The following MUC6 variants were observed in gnomAD, a reference collection of about 807,000 sequenced individuals.
MUC6 encodes mucin-6.
In MUC6, 188 loss-of-function variants were observed where a neutral mutation model predicts 201.5. That is an observed-to-expected ratio of 0.93 (90% CI 0.83 to 1.05). MUC6 has a LOEUF of 1.05. Ranked by LOEUF, MUC6 falls within the 50% of genes least tolerant of loss-of-function variation. The probability of loss-of-function intolerance (pLI) is 0.00; values close to 1 mark genes in which losing one functional copy is unlikely to be tolerated. For missense variants in MUC6, 2,706 were observed against 3,256.9 expected (o/e 0.83, Z 4.12); for synonymous variants, 1,228 against 1,389.4 (o/e 0.88, Z 2.58).
Position 1,021,265 on chromosome 11 carries a change from C to T in MUC6, c.3539G>A (p.Cys1180Tyr). ...GTGGTCGAAGTACTCATCCTGGGAGCAGTTGTAGCAGCCTAGGGTGGAGAA... is the reference window on the plus strand; with the variant it reads ...GTGGTCGAAGTACTCATCCTGGGAGTAGTTGTAGCAGCCTAGGGTGGAGAA... ...PGSNIEGCYN[C>Y]SQDEYFDHEE... Residue 1180 changes from cysteine to tyrosine, a missense_variant, in exon 27 of 33, where the codon TGC (cysteine) becomes TAC (tyrosine). Cys to Tyr is a radical substitution (Grantham distance 194). Transcript: ENST00000421673. 1.3e-6 allele frequency: 2 copies of T among 1,583,324 alleles called. No individual in the cohort carries two copies. Among genetic ancestry groups the T allele is most frequent in the Non-Finnish European group, 1.7e-6 (2 of 1,165,672 alleles).
intron 26 of MUC6, among the ~76,000 whole-genome samples, chr11:1,023,213 ATGTG>A (rs1432275054): frequency 2.6e-5 from 4 of 151,510 alleles, no homozygotes; most frequent in East Asian, 1.9e-4. Flanking sequence ...GCATGAATGA[ATGTG>A]TGTGTAGTGA....
rs1455023343 is a variant in MUC6 at position 1,027,764 on chromosome 11, G to A, written c.1902C>T (p.Ala634=). 8.7e-6 allele frequency: 14 copies of A among 1,610,776 alleles called. No homozygotes were observed. Among genetic ancestry groups the A allele is most frequent in the South Asian group, 1.1e-5 (1 of 90,546 alleles). Residue 634 remains alanine (A), a synonymous_variant, in exon 16 of 33, where the codon GCC becomes GCT. Coordinates refer to ENST00000421673, the MANE Select transcript of MUC6 (RefSeq NM_005961.3). ...AGGCGTGTACGTAGTCGCCCAGGGC[G>A]GCACAGATGTGGGGAAAGGTCTCCT... ...NYEETFPHIC[A]ALGDYVHACS... is the part of the protein sequence containing the mutation.
At position 1,027,496 on chromosome 11, in the gene MUC6, G is replaced by A. The variant is rs371696526; in HGVS notation, c.2003C>T (p.Thr668Ile). 2 of 1,612,410 alleles carry A rather than the reference G, an allele frequency of 1.2e-6. No homozygotes were observed. The highest frequency in any genetic ancestry group is 2.7e-5 in the African/African-American group (2 of 74,914). Residue 668 changes from threonine (T) to isoleucine (I), a missense_variant, in exon 17 of 33, where the codon ACC becomes ATC. Physicochemically the swap from Thr to Ile is moderately conservative, Grantham distance 89. Around this residue, in one of 10 missense-constraint regions of MUC6, gnomAD observed 1,850 missense variants for 1,958.3 expected, o/e 0.94. Transcript: ENST00000421673. ...DNCTIPCTGN[T>I]TFSYNSQACE... ...GGCTTGGCTGTTGTAGCTGAAGGTG[G>A]TGTTACCCGTGCAGGGGATGGCTGT...
intron 7 of MUC6, 66 bp downstream of exon 7, chr11:1,030,507 G>A (rs1438245683): frequency 1.4e-6 from 2 of 1,455,392 alleles, no homozygotes; most frequent in East Asian, 5.0e-5. Flanking sequence ...GCAGTCCAGG[G>A]GCTGGGAGAG....
intron 31 of MUC6, among the ~76,000 whole-genome samples, 179 bp downstream of exon 31, chr11:1,015,583 G>A (rs111659387): frequency 2.0e-5 from 3 of 152,280 alleles, no homozygotes; most frequent in African/African-American, 7.2e-5. Flanking sequence ...GACAGCGTTG[G>A]CATAGAGGGT....
chr11:1,026,251 C>T, intron 20 of MUC6, 76 bp downstream of exon 20: 1 of 1,540,894 alleles, frequency 6.5e-7, no homozygotes. Flanking sequence ...TCTGGGACAG[C>T]CCCACCCCGG....
At position 1,023,289 on chromosome 11, in the gene MUC6, C is replaced by T. The variant is rs530701822; in HGVS notation, c.3526+220G>A. Reference sequence around the variant, plus strand: ...GTGTGTGAGTGGATGAACAAATGTGCGTGAATGAATGAATATGCGTGAATG... The same window carrying T: ...GTGTGTGAGTGGATGAACAAATGTGTGTGAATGAATGAATATGCGTGAATG... On this transcript the variant is annotated intron_variant, in intron 26 of 32. Coordinates refer to ENST00000421673, the MANE Select transcript of MUC6 (RefSeq NM_005961.3). Among the ~76,000 whole-genome samples, 5 of 150,850 alleles carry T rather than the reference C, an allele frequency of 3.3e-5. No individual in the cohort carries two copies. The South Asian group carries it at 6.3e-4, about 19-fold the overall frequency.
Position 1,030,282 on chromosome 11 carries a change from C to A in MUC6, c.946G>T (p.Val316Leu). The change falls in exon 8 of 33, where the codon GTG (valine) becomes TTG (leucine). Residue 316 changes from valine to leucine, a missense_variant. By Grantham distance (32) the Val-to-Leu change is conservative. Coordinates refer to ENST00000421673, the MANE Select transcript of MUC6 (RefSeq NM_005961.3). Reference protein sequence around the residue: ...QVYQECGSACVKTCSNPQHSC... With the variant: ...QVYQECGSACLKTCSNPQHSC... ...TGCTGCGGGTTGGAGCAGGTCTTCA[C>A]GCAGGCCGAGCCGCACTCCTGGTAC... 6.5e-7 allele frequency: 1 copy of A among 1,549,688 alleles called. No homozygotes were observed. Among genetic ancestry groups the A allele is most frequent in the Non-Finnish European group, 8.7e-7 (1 of 1,146,930 alleles).
In MUC6 at chr11:1,026,490, C is replaced by T; in HGVS notation, c.2395-12G>A. 1.3e-6 allele frequency: 2 copies of T among 1,569,810 alleles called. No individual in the cohort carries two copies. Among genetic ancestry groups the T allele is most frequent in the Admixed American group, 1.8e-5 (1 of 55,302 alleles). On this transcript the variant is annotated splice_polypyrimidine_tract_variant and intron_variant, in intron 19 of 32. Transcript: ENST00000421673. ...CACTTGGTGGGCACCTGGAGGGAGG[C>T]AGGTCAGCAGCTCCTGGGAGGGTGG...
At chr11:1,015,575 C>A (rs1251724766) in intron 31 of MUC6, among the ~76,000 whole-genome samples, 187 bp downstream of exon 31, 1 of 152,126 alleles carries the variant, frequency 6.6e-6, no homozygotes, top group Non-Finnish European at 1.5e-5. Flanking sequence ...TTGGCCAGGA[C>A]AGCGTTGGCA....
chr11:1,031,149 C>T lies in MUC6; in HGVS notation c.574+20G>A, dbSNP rs1481541642. The T allele has an allele frequency of 2.1e-6, 3 of 1,455,680 alleles. No individual in the cohort carries two copies. Among genetic ancestry groups the T allele is most frequent in the South Asian group, 2.5e-5 (2 of 81,366 alleles). The allele number at this position is 1,455,680 out of a possible 1,614,324, so 90.2% of individuals were successfully genotyped here. A position where few individuals can be genotyped will look rare whatever the true frequency, so the allele number is the denominator to read the frequency against. ...ACCTAGAGGCCCCCCCAGAGGCCCC[C>T]CAGCCCTGCCCCCACCTACCCTCCT... On this transcript the variant is annotated intron_variant, in intron 5 of 32. Transcript: ENST00000421673.
intron 24 of MUC6, 73 bp from the exon 25 acceptor site, chr11:1,024,176 G>T (rs950534330): frequency 1.3e-6 from 2 of 1,522,084 alleles, no homozygotes; most frequent in Admixed American, 1.8e-5. Context: ...CACCTGCAGG[G>T]CCCTCAGTGT....
In MUC6 at chr11:1,030,979, T is replaced by C; in HGVS notation, c.652A>G (p.Ile218Val). The C allele has an allele frequency of 6.3e-7, 1 of 1,585,476 alleles. No homozygotes were observed. The highest frequency in any genetic ancestry group is 8.6e-7 in the Non-Finnish European group (1 of 1,166,656). Residue 218 changes from isoleucine to valine, a missense_variant, in exon 6 of 33, where the codon ATC becomes GTC. By Grantham distance (29) the Ile-to-Val change is conservative (BLOSUM62 3). Coordinates refer to ENST00000421673, the MANE Select transcript of MUC6 (RefSeq NM_005961.3). ...GCCTGCCGGACGTGGGTGCTGGGGA[T>C]GTCCTGGAAGGTGCAGATCTCGCCG... is the stretch of plus-strand genomic sequence containing the variant. ...DPGEICTFQD[I>V]PSTHVRQAQH...
At chr11:1,018,854 AC>A in intron 30 of MUC6, 84 bp from the exon 31 acceptor site, 2 of 1,482,320 alleles carry the variant, frequency 1.3e-6, no homozygotes, top group Admixed American at 4.7e-5. Flanking sequence ...TGTCTATGTG[AC>A]CTTTTTCTTG....
At chr11:1,028,598 C>A (rs781346236) in intron 13 of MUC6, 48 bp downstream of exon 13, 1 of 1,590,512 alleles carries the variant, frequency 6.3e-7, no homozygotes. Context: ...CATGGCCAGA[C>A]CCTGTAGGGA....
chr11:1,029,730 G>C, intron 8 of MUC6, 115 bp from the exon 9 acceptor site: 4 of 1,383,618 alleles, frequency 2.9e-6, no homozygotes, highest in Non-Finnish European at 3.8e-6. Context: ...GCCCCCTCCA[G>C]CCTGGCTCCA....
intron 18 of MUC6, 31 bp downstream of exon 18, chr11:1,027,110 C>T: frequency 3.7e-6 from 6 of 1,611,776 alleles, no homozygotes; most frequent in Non-Finnish European, 5.1e-6. Flanking sequence ...CCCTCACAGT[C>T]CCAGCCTGCG....
rs1856784339 is a variant in MUC6, at chr11:1,020,589, C to G, written c.3640+95G>C. 3.2e-6 allele frequency: 5 copies of G among 1,546,810 alleles called. No individual in the cohort carries two copies. In the South Asian group the frequency reaches 3.3e-5, roughly 10 times the overall value. ...GAAGGGCACAGGTACTGCCTGCCCCCTCCCTGCTTCCCACCCGACAGATTT... is the reference window on the plus strand; with the variant it reads ...GAAGGGCACAGGTACTGCCTGCCCCGTCCCTGCTTCCCACCCGACAGATTT... On this transcript the variant is annotated intron_variant, in intron 28 of 32. Coordinates refer to ENST00000421673, the MANE Select transcript of MUC6 (RefSeq NM_005961.3).
At position 1,017,617 on chromosome 11, in the gene MUC6, C is replaced by A; in HGVS notation, c.5184G>T (p.Val1728=). 1 of 681,198 alleles carries A rather than the reference C, an allele frequency of 1.5e-6. No individual in the cohort carries two copies. Among genetic ancestry groups the A allele is most frequent in the Non-Finnish European group, 1.9e-6 (1 of 523,402 alleles). The allele number at this position is 681,198 out of a possible 1,614,324, so 42.2% of individuals were successfully genotyped here. ...PTSTGTPPMT[V]TTSGTSQSRS... is the part of the protein sequence containing the mutation. ...GGGATTGGCTGGTCCCACTGGTGGT[C>A]ACTGTCATTGGTGGGGTTCCTGTAC... is the stretch of plus-strand genomic sequence containing the variant. Residue 1728 remains valine (V), a synonymous_variant, in exon 31 of 33, where the codon GTG becomes GTT. Transcript: ENST00000421673.
Sources: gnomAD v4.1 joint callset for allele counts (sites outside exome capture counted in the v4.1 genomes callset) on GRCh38, gnomAD v4.1.1 for gene constraint, gnomAD v4.1.1 regional missense constraint, MANE v1.5 for transcripts, NCBI Gene and HGNC (gene_info 2026-07-23, HGNC 2026-07-21) for gene names.